The following TXNL4A variants were observed in gnomAD, a reference collection of about 807,000 sequenced individuals.
The protein encoded by TXNL4A is thioredoxin like 4A.
Under a neutral mutation model 14.6 loss-of-function variants are expected in TXNL4A, and 17 were observed. The ratio of observed to expected loss-of-function variants is 1.16; its 90% CI spans 0.80 to 1.74. TXNL4A has a LOEUF of 1.74. Among genes scored for constraint, TXNL4A ranks in the 40% most tolerant of loss-of-function variants. The pLI is 0.00. For missense variants in TXNL4A, 74 were observed against 195.2 expected (o/e 0.38, Z 3.70); for synonymous variants, 83 against 70.6 (o/e 1.18, Z -0.88).
chr18:80,005,555 T>C (rs1490292859), intron 1 of TXNL4A, among the ~76,000 whole-genome samples: 1 of 152,240 alleles, frequency 6.6e-6, no homozygotes, highest in Non-Finnish European at 1.5e-5. Context: ...TAAATGAATA[T>C]GGAAAATAGT....
intron 2 of TXNL4A, chr18:79,976,591 G>A (rs2051383028): frequency 3.3e-6 from 1 of 300,464 alleles, no homozygotes; most frequent in African/African-American, 2.3e-5. Context: ...GCCCTGCCTG[G>A]ATGTCTGACT....
At chr18:80,032,386 A>G (rs2051927734) in intron 1 of TXNL4A, among the ~76,000 whole-genome samples, 1 of 152,308 alleles carries the variant, frequency 6.6e-6, no homozygotes, top group East Asian at 1.9e-4. Context: ...AAATTTTGGG[A>G]CGCCAAATTC....
chr18:80,008,749 T>C (rs1212162488), intron 1 of TXNL4A, among the ~76,000 whole-genome samples: 1 of 152,134 alleles, frequency 6.6e-6, no homozygotes, highest in Non-Finnish European at 1.5e-5. Flanking sequence ...AAAGAAGCAG[T>C]TGGAAATTCA....
At chr18:79,992,749 A>G (rs2145096120), upstream of TXNL4A, among the ~76,000 whole-genome samples, 1 of 152,252 alleles carries the variant, frequency 6.6e-6, no homozygotes, top group African/African-American at 2.4e-5. Context: ...TTACAGGTGC[A>G]GTCATCCCCC....
In TXNL4A at chr18:79,988,117, G is replaced by C. The variant is rs537157372; in HGVS notation, c.153+123C>G. The C allele has an allele frequency of 1.8e-5, 22 of 1,211,406 alleles. No homozygotes were observed. In the African/African-American group the frequency reaches 3.3e-4, roughly 18 times the overall value. The allele number at this position is 1,211,406 out of a possible 1,614,324, so 75.0% of individuals were successfully genotyped here. ...ACCGCAGCGAGGGGAGGAATCGCCTGAACGACGGAGCCGCGGCCCCTCCTC... is the reference window on the plus strand; with the variant it reads ...ACCGCAGCGAGGGGAGGAATCGCCTCAACGACGGAGCCGCGGCCCCTCCTC... On this transcript the variant is annotated intron_variant, in intron 1 of 2. Transcript: ENST00000269601.
chr18:80,006,997 A>T (rs1379801915), intron 1 of TXNL4A, among the ~76,000 whole-genome samples: 5 of 152,214 alleles, frequency 3.3e-5, no homozygotes, highest in African/African-American at 1.2e-4. Flanking sequence ...GGGAACCTCC[A>T]TGTTGAACAT....
intron 1 of TXNL4A, among the ~76,000 whole-genome samples, chr18:80,023,170 A>T (rs2051861257): frequency 1.3e-5 from 2 of 152,200 alleles, no homozygotes; most frequent in African/African-American, 4.8e-5. Flanking sequence ...GCCTTAAAAG[A>T]ACATAAGAAT....
At chr18:79,974,628 G>C (rs1055340383) in intron 2 of TXNL4A, among the ~76,000 whole-genome samples, 1 of 152,262 alleles carries the variant, frequency 6.6e-6, no homozygotes, top group Non-Finnish European at 1.5e-5. Context: ...ACAGGCACGA[G>C]CCACCACACC....
chr18:80,018,455 A>T (rs2051826907), intron 1 of TXNL4A, among the ~76,000 whole-genome samples: 1 of 152,226 alleles, frequency 6.6e-6, no homozygotes, highest in Non-Finnish European at 1.5e-5. Context: ...CACATTCAAA[A>T]GCTAGCAGAA....
rs930853141 is a variant in TXNL4A at position 79,971,732 on chromosome 18, G to C, written c.*1953C>G. 2.0e-5 allele frequency: 3 copies of C among 152,168 alleles called. No individual in the cohort carries two copies. The highest frequency in any genetic ancestry group is 4.4e-5 in the Non-Finnish European group (3 of 68,026). The allele number at this position is 152,168 out of a possible 1,614,324, so 9.4% of individuals were successfully genotyped here. A position where few individuals can be genotyped will look rare whatever the true frequency, so the allele number is the denominator to read the frequency against. On this transcript the variant is annotated 3_prime_UTR_variant, in exon 3 of 3. Coordinates refer to ENST00000269601, the MANE Select transcript of TXNL4A (RefSeq NM_006701.5). ...CCACATCCTTGCAAACGCTTGTTGCGATCTTTTTGTATCTAGCCGAACTTG... is the reference window on the plus strand; with the variant it reads ...CCACATCCTTGCAAACGCTTGTTGCCATCTTTTTGTATCTAGCCGAACTTG...
intron 1 of TXNL4A, among the ~76,000 whole-genome samples, chr18:80,006,955 T>C (rs2051735625): frequency 6.6e-6 from 1 of 152,184 alleles, no homozygotes; most frequent in South Asian, 2.1e-4. Flanking sequence ...CCTGCTTTTT[T>C]ACTGCACATG....
intron 1 of TXNL4A, among the ~76,000 whole-genome samples, chr18:79,985,570 T>C (rs528288960): frequency 3.9e-5 from 6 of 152,330 alleles, no homozygotes; most frequent in African/African-American, 1.4e-4. Context: ...TTATTTATTA[T>C]TATCACTTTA....
At chr18:80,025,925 A>G (rs2051881471) in intron 1 of TXNL4A, among the ~76,000 whole-genome samples, 1 of 152,224 alleles carries the variant, frequency 6.6e-6, no homozygotes, top group Admixed American at 6.5e-5. Flanking sequence ...GTTAAATACT[A>G]TTCCTCCAGT....
At chr18:79,991,610 T>C (rs749586631), upstream of TXNL4A, among the ~76,000 whole-genome samples, 3 of 152,264 alleles carry the variant, frequency 2.0e-5, no homozygotes, top group Non-Finnish European at 2.9e-5. Flanking sequence ...TGAACATTCA[T>C]GTACAAGCTT....
rs373099830 is a variant in TXNL4A, at chr18:79,985,780, T to C, written c.153+2460A>G. ...ATCATATCAAGTCCAGCCTGAACAT[T>C]TGCAACTGTTACTCACTTTAAAACA... On this transcript the variant is annotated intron_variant, in intron 1 of 2. Transcript: ENST00000269601. The C allele has an allele frequency of 2.0e-5, 3 of 152,194 alleles. No homozygotes were observed. The South Asian group carries it at 6.2e-4, about 31-fold the overall frequency. 9.4% of individuals were successfully genotyped at this position (152,194 alleles called of 1,614,324 possible).
At chr18:79,992,801 C>T (rs9947741), upstream of TXNL4A, among the ~76,000 whole-genome samples, 114,216 of 150,254 alleles carry the variant, frequency 0.76, 44,690 homozygotes, top group East Asian at 0.91. Flanking sequence ...TTCCCCTGCC[C>T]TTTTGTTATG....
intron 1 of TXNL4A, among the ~76,000 whole-genome samples, chr18:80,017,879 A>T (rs1258742389): frequency 2.0e-5 from 3 of 151,810 alleles, no homozygotes; most frequent in Non-Finnish European, 4.4e-5. Flanking sequence ...TGGCCTCATA[A>T]AATGAGTTAG....
intron 1 of TXNL4A, among the ~76,000 whole-genome samples, chr18:80,027,764 A>T (rs2051894588): frequency 1.3e-5 from 2 of 152,218 alleles, no homozygotes; most frequent in African/African-American, 4.8e-5. Context: ...CAAAGTGTCC[A>T]AAGACAAACT....
At chr18:80,012,639 T>C (rs1254571996) in intron 1 of TXNL4A, among the ~76,000 whole-genome samples, 1 of 152,224 alleles carries the variant, frequency 6.6e-6, no homozygotes, top group Non-Finnish European at 1.5e-5. Flanking sequence ...AGGATATCCA[T>C]ACTTAGTCTA....
Sources: gnomAD v4.1 joint callset for allele counts (sites outside exome capture counted in the v4.1 genomes callset) on GRCh38, gnomAD v4.1.1 for gene constraint, MANE v1.5 for transcripts, NCBI Gene and HGNC (gene_info 2026-07-23, HGNC 2026-07-21) for gene names.